The following TMEM38B variants were observed in gnomAD, a reference collection of about 807,000 sequenced individuals.
The protein encoded by TMEM38B is transmembrane protein 38B.
TMEM38B carries 24 observed loss-of-function variants against 28.7 expected under a neutral mutation model. The ratio of observed to expected loss-of-function variants is 0.84; its 90% CI spans 0.61 to 1.18. TMEM38B has a LOEUF of 1.18. Among genes scored for constraint, TMEM38B ranks in the 50% most tolerant of loss-of-function variants. TMEM38B has a pLI of 0.00. For synonymous variants in TMEM38B, 131 were observed against 127.7 expected (o/e 1.03, Z -0.17); for missense variants, 380 against 350.9 (o/e 1.08, Z -0.66).
At chr9:105,723,674 G>T (rs749186438) in intron 4 of TMEM38B, among the ~76,000 whole-genome samples, 2 of 152,090 alleles carry the variant, frequency 1.3e-5, no homozygotes, top group Non-Finnish European at 1.5e-5. Context: ...TGGGATTACA[G>T]ATGTGAAGCA....
At chr9:105,710,678 G>A in intron 2 of TMEM38B, 1 of 697,586 alleles carries the variant, frequency 1.4e-6, no homozygotes, top group Non-Finnish European at 2.7e-6. Context: ...TCAACTATAG[G>A]ATCATAACGA....
intron 5 of TMEM38B, among the ~76,000 whole-genome samples, chr9:105,756,547 GAATA>G (rs1166000452): frequency 1.3e-5 from 2 of 152,132 alleles, no homozygotes; most frequent in African/African-American, 4.8e-5. Context: ...GGTTTGGTAA[GAATA>G]AATAGCACTG....
intron 1 of TMEM38B, among the ~76,000 whole-genome samples, chr9:105,703,676 T>A (rs1835535814): frequency 1.3e-5 from 2 of 151,948 alleles, no homozygotes; most frequent in Admixed American, 1.3e-4. Context: ...AGTGTAAAAG[T>A]GTTCCTATTT....
intron 2 of TMEM38B, among the ~76,000 whole-genome samples, chr9:105,716,626 G>A (rs1249746335): frequency 2.0e-5 from 3 of 151,970 alleles, no homozygotes; most frequent in Non-Finnish European, 4.4e-5. Context: ...ACATGAATTT[G>A]AACTGTGTGA....
At chr9:105,768,282 A>G (rs935993467) in intron 5 of TMEM38B, among the ~76,000 whole-genome samples, 6 of 152,124 alleles carry the variant, frequency 3.9e-5, no homozygotes, top group African/African-American at 1.4e-4. Context: ...GATAAACCCC[A>G]TTTAGTCATG....
At chr9:105,701,021 A>C (rs1260199360) in intron 1 of TMEM38B, 6 of 152,052 alleles carry the variant, frequency 3.9e-5, no homozygotes, top group African/African-American at 1.4e-4. Context: ...TCTGGGCTCT[A>C]AAGAGCTCCT....
chr9:105,695,961 A>T (rs79290158), intron 1 of TMEM38B, among the ~76,000 whole-genome samples: 3,542 of 152,276 alleles, frequency 0.023, 133 homozygotes, highest in African/African-American at 0.081. Context: ...GAATTTGATT[A>T]AAAAAATTTT....
intron 4 of TMEM38B, among the ~76,000 whole-genome samples, chr9:105,725,651 A>T (rs1406188372): frequency 6.6e-6 from 1 of 152,154 alleles, no homozygotes; most frequent in South Asian, 2.1e-4. Context: ...TGTAGTGACT[A>T]CTATAGGCAA....
At chr9:105,719,672 T>C (rs751632681) in intron 2 of TMEM38B, among the ~76,000 whole-genome samples, 4 of 152,168 alleles carry the variant, frequency 2.6e-5, no homozygotes, top group Non-Finnish European at 4.4e-5. Context: ...GTTGCAATAA[T>C]TGCAAATTTT....
intron 5 of TMEM38B, among the ~76,000 whole-genome samples, chr9:105,757,225 G>A (rs1837864547): frequency 6.6e-6 from 1 of 152,100 alleles, no homozygotes; most frequent in South Asian, 2.1e-4. Context: ...TGCTGCAAAT[G>A]CCATTATTTT....
chr9:105,745,486 A>G (rs553979628), intron 4 of TMEM38B, among the ~76,000 whole-genome samples: 10 of 152,286 alleles, frequency 6.6e-5, no homozygotes, highest in Non-Finnish European at 1.3e-4. Flanking sequence ...TCTGGATATT[A>G]GCCCTTTGAC....
intron 4 of TMEM38B, among the ~76,000 whole-genome samples, chr9:105,746,041 T>C (rs1837379141): frequency 6.6e-6 from 1 of 152,206 alleles, no homozygotes. Flanking sequence ...TTCTTTTGGC[T>C]TAGGATTGAC....
At chr9:105,728,982 A>G (rs1216619200) in intron 4 of TMEM38B, among the ~76,000 whole-genome samples, 1 of 152,016 alleles carries the variant, frequency 6.6e-6, no homozygotes, top group Non-Finnish European at 1.5e-5. Context: ...GGATATTAGC[A>G]CTTTGTCAGA....
rs545626803 is a variant in TMEM38B, at chr9:105,768,682, G to T, written c.661-5183G>T. ...ATTTCACTTAAGTTTTTTATTGTTG[G>T]CATGAAATTGTTGATAATAGTTTTT... On this transcript the variant is annotated intron_variant, in intron 5 of 5. Transcript: ENST00000374692. Among the ~76,000 whole-genome samples the T allele has an allele frequency of 3.3e-5, 5 of 152,110 alleles. No homozygotes were observed. In the South Asian group the frequency reaches 1.0e-3, roughly 32 times the overall value.
At chr9:105,722,680 C>A (rs1836366048) in intron 4 of TMEM38B, 59 bp downstream of exon 4, 2 of 1,410,028 alleles carry the variant, frequency 1.4e-6, no homozygotes, top group Non-Finnish European at 2.0e-6. Context: ...TTACCAAATT[C>A]CTTTTTAAGA....
chr9:105,702,690 A>T (rs1160655434), intron 1 of TMEM38B: 1 of 151,804 alleles, frequency 6.6e-6, no homozygotes, highest in Non-Finnish European at 1.5e-5. Context: ...TTATTTATTT[A>T]TTTATTTTTG....
Position 105,775,646 on chromosome 9 carries a change from G to A in TMEM38B, c.*1566G>A, listed in dbSNP as rs577752631. ...GTGACAGAAAGCTTTAAGTATTTAA[G>A]AGCTCTGTATTATATTTGATACTCT... On this transcript the variant is annotated 3_prime_UTR_variant, in exon 6 of 6. Transcript: ENST00000374692. 6 of 152,154 alleles carry A rather than the reference G, an allele frequency of 3.9e-5. No individual in the cohort carries two copies. The East Asian group carries it at 1.2e-3, about 29-fold the overall frequency. The allele number at this position is 152,154 out of a possible 1,614,324, so 9.4% of individuals were successfully genotyped here.
At chr9:105,705,371 T>C (rs1365115990) in intron 1 of TMEM38B, among the ~76,000 whole-genome samples, 9 of 152,206 alleles carry the variant, frequency 5.9e-5, no homozygotes, top group Non-Finnish European at 1.0e-4. Context: ...ACAGAGTATT[T>C]TAAAGGTGCC....
intron 4 of TMEM38B, among the ~76,000 whole-genome samples, chr9:105,725,806 CTG>C (rs1836487355): frequency 6.6e-6 from 1 of 152,130 alleles, no homozygotes; most frequent in African/African-American, 2.4e-5. Flanking sequence ...AAGTTGCTCT[CTG>C]TGAGCCACTG....
Sources: gnomAD v4.1 joint callset for allele counts (sites outside exome capture counted in the v4.1 genomes callset) on GRCh38, gnomAD v4.1.1 for gene constraint, MANE v1.5 for transcripts, NCBI Gene and HGNC (gene_info 2026-07-23, HGNC 2026-07-21) for gene names.